The following CPD variants were observed in gnomAD, a reference collection of about 807,000 sequenced individuals.
The protein encoded by CPD is metallocarboxypeptidase D.
In CPD, 69 loss-of-function variants were observed where a neutral mutation model predicts 138.3. That is an observed-to-expected ratio of 0.50 (90% CI 0.41 to 0.61). The LOEUF is 0.61. Ranked by LOEUF, CPD falls within the 20% of genes least tolerant of loss-of-function variation. The pLI is 0.00. For missense variants in CPD, 1,432 were observed against 1,733.3 expected (o/e 0.83, Z 3.09); for synonymous variants, 651 against 642.1 (o/e 1.01, Z -0.21).
intron 2 of CPD, among the ~76,000 whole-genome samples, chr17:30,404,385 C>G (rs1032709880): frequency 6.6e-6 from 1 of 152,052 alleles, no homozygotes; most frequent in Admixed American, 6.6e-5. Flanking sequence ...AAATATTTGC[C>G]TTGTATATGC....
At chr17:30,381,826 T>C (rs1911056436) in intron 1 of CPD, among the ~76,000 whole-genome samples, 1 of 151,952 alleles carries the variant, frequency 6.6e-6, no homozygotes, top group Admixed American at 6.5e-5. Context: ...CCCAGCTATA[T>C]TCGAATTAGA....
chr17:30,389,635 A>G (rs4795549), intron 2 of CPD, among the ~76,000 whole-genome samples: 78,439 of 152,050 alleles, frequency 0.52, 20,888 homozygotes, highest in East Asian at 0.83. Flanking sequence ...ATCTCATACT[A>G]CTTAAAAAAT....
chr17:30,416,596 C>A (rs1315138857), intron 2 of CPD, among the ~76,000 whole-genome samples: 1 of 152,182 alleles, frequency 6.6e-6, no homozygotes, highest in Admixed American at 6.5e-5. Context: ...CTTCCTTTGT[C>A]TGTTATTGTC....
At chr17:30,415,672 A>G (rs1912086377) in intron 2 of CPD, among the ~76,000 whole-genome samples, 1 of 152,240 alleles carries the variant, frequency 6.6e-6, no homozygotes, top group South Asian at 2.1e-4. Flanking sequence ...GCTCTACATC[A>G]TGAATCATCA....
At chr17:30,405,982 T>G (rs1234813280) in intron 2 of CPD, among the ~76,000 whole-genome samples, 1 of 152,104 alleles carries the variant, frequency 6.6e-6, no homozygotes, top group Admixed American at 6.6e-5. Context: ...TTGATTTATA[T>G]TATGCATTTT....
chr17:30,436,355 T>A (rs1280640924), intron 8 of CPD, among the ~76,000 whole-genome samples: 1 of 151,978 alleles, frequency 6.6e-6, no homozygotes, highest in African/African-American at 2.4e-5. Context: ...TAAGAGAAAA[T>A]TTTTGTAAAT....
chr17:30,464,183 G>A (rs543514865), intron 20 of CPD, among the ~76,000 whole-genome samples: 1 of 152,174 alleles, frequency 6.6e-6, no homozygotes, highest in East Asian at 1.9e-4. Context: ...TTGAAGTCAG[G>A]AGTTCTAGAC....
rs1567881102 is a variant in CPD at position 30,445,910 on chromosome 17, C to T, written c.2763C>T (p.Arg921=). Reference sequence around the variant, plus strand: ...ATGGTTTGGAAAGCCTCATGTTACGCTCCTCCTCAAATCTGGCTCTGGCTC... The same window carrying T: ...ATGGTTTGGAAAGCCTCATGTTACGTTCCTCCTCAAATCTGGCTCTGGCTC... ...AENGLESLML[R]SSSNLALALY... The change falls in exon 12 of 21, where the codon CGC becomes CGT. Residue 921 remains arginine, a synonymous_variant. Transcript: ENST00000225719. The T allele has an allele frequency of 1.2e-6, 2 of 1,614,072 alleles. No homozygotes were observed. The highest frequency in any genetic ancestry group is 8.5e-7 in the Non-Finnish European group (1 of 1,179,924).
intron 17 of CPD, among the ~76,000 whole-genome samples, chr17:30,458,158 C>T (rs989122663): frequency 2.0e-5 from 3 of 152,148 alleles, no homozygotes; most frequent in Non-Finnish European, 2.9e-5. Flanking sequence ...TACACCATTG[C>T]ACTCCAGCCT....
In CPD at chr17:30,465,397, T is replaced by A. The variant is rs1913609226; in HGVS notation, c.*583T>A. 2 of 153,468 alleles carry A rather than the reference T, an allele frequency of 1.3e-5. No individual in the cohort carries two copies. The highest frequency in any genetic ancestry group is 2.9e-5 in the Non-Finnish European group (2 of 68,670). The allele number at this position is 153,468 out of a possible 1,614,324, so 9.5% of individuals were successfully genotyped here. A position where few individuals can be genotyped will look rare whatever the true frequency, so the allele number is the denominator to read the frequency against. ...GGGCTTCTGCATTTGGCTTTCTACC[T>A]GTTCCAAGGCTAGATCGGAACTGGT... On this transcript the variant is annotated 3_prime_UTR_variant, in exon 21 of 21. Coordinates refer to ENST00000225719, the MANE Select transcript of CPD (RefSeq NM_001304.5).
At chr17:30,431,748 A>T (rs1487308493) in intron 7 of CPD, 24 bp from the exon 8 acceptor site, 1 of 1,428,730 alleles carries the variant, frequency 7.0e-7, no homozygotes, top group Non-Finnish European at 9.9e-7. Flanking sequence ...ACAACATGAT[A>T]CATTTTCCTC....
chr17:30,463,416 G>C (rs532812677), intron 20 of CPD, among the ~76,000 whole-genome samples: 2 of 152,340 alleles, frequency 1.3e-5, no homozygotes, highest in South Asian at 4.1e-4. Context: ...TTAATGAAGA[G>C]TTGTTGAATG....
intron 2 of CPD, among the ~76,000 whole-genome samples, chr17:30,413,662 G>A (rs545028111): frequency 6.6e-6 from 1 of 152,338 alleles, no homozygotes; most frequent in East Asian, 1.9e-4. Flanking sequence ...GCATAACAAA[G>A]ATCTCTGCCC....
chr17:30,404,418 C>T (rs916889407), intron 2 of CPD, among the ~76,000 whole-genome samples: 1 of 152,010 alleles, frequency 6.6e-6, no homozygotes, highest in Non-Finnish European at 1.5e-5. Flanking sequence ...TTTTTTGATG[C>T]ATGGTAAATA....
At chr17:30,461,842 G>A in intron 18 of CPD, 35 bp from the exon 19 acceptor site, 2 of 1,535,416 alleles carry the variant, frequency 1.3e-6, no homozygotes, top group Admixed American at 1.9e-5. Flanking sequence ...CTGGCATTAT[G>A]ACAACATAAA....
At chr17:30,424,330 A>C (rs1912344657) in intron 6 of CPD, among the ~76,000 whole-genome samples, 1 of 152,216 alleles carries the variant, frequency 6.6e-6, no homozygotes, top group Non-Finnish European at 1.5e-5. Context: ...GTTTCTTATC[A>C]GACTTAAGGT....
intron 3 of CPD, among the ~76,000 whole-genome samples, 173 bp from the exon 4 acceptor site, chr17:30,421,491 G>C (rs1912264629): frequency 6.6e-6 from 1 of 152,114 alleles, no homozygotes; most frequent in African/African-American, 2.4e-5. Flanking sequence ...TTAAGTTTAA[G>C]GATTTAATAC....
chr17:30,459,736 T>A (rs1347811656), intron 17 of CPD, among the ~76,000 whole-genome samples: 1 of 152,226 alleles, frequency 6.6e-6, no homozygotes, highest in Non-Finnish European at 1.5e-5. Flanking sequence ...TATATCACTT[T>A]GTGTAGTATT....
rs913583506 is a variant in CPD, at chr17:30,431,669, A to G, written c.2018-103A>G. Reference sequence around the variant, plus strand: ...TCTGTTGAGGAAATTCTGCTTGGCAAATTTTATTGTTTTCTCTTCTCTGGC... The same window carrying G: ...TCTGTTGAGGAAATTCTGCTTGGCAGATTTTATTGTTTTCTCTTCTCTGGC... On this transcript the variant is annotated intron_variant, in intron 7 of 20. Coordinates refer to ENST00000225719, the MANE Select transcript of CPD (RefSeq NM_001304.5). 2.6e-5 allele frequency: 20 copies of G among 757,682 alleles called. No homozygotes were observed. The East Asian group carries it at 4.2e-4, about 16-fold the overall frequency. 46.9% of individuals were successfully genotyped at this position (757,682 alleles called of 1,614,324 possible). A position where few individuals can be genotyped will look rare whatever the true frequency, so the allele number is the denominator to read the frequency against.
Sources: gnomAD v4.1 joint callset for allele counts (sites outside exome capture counted in the v4.1 genomes callset) on GRCh38, gnomAD v4.1.1 for gene constraint, MANE v1.5 for transcripts, NCBI Gene and HGNC (gene_info 2026-07-23, HGNC 2026-07-21) for gene names.